FBXW7: variants seen among roughly 807,000 people sequenced by gnomAD.
The protein encoded by FBXW7 is F-box/WD repeat-containing protein 7.
FBXW7 carries 11 observed loss-of-function variants against 86.3 expected under a neutral mutation model. That is an observed-to-expected ratio of 0.13 (90% confidence interval 0.08 to 0.21). FBXW7 has a LOEUF of 0.21. Ranked by LOEUF, FBXW7 falls within the 10% of genes least tolerant of loss-of-function variation. FBXW7 has a pLI of 1.00. For synonymous variants in FBXW7, 313 were observed against 297.9 expected (o/e 1.05, Z -0.52); for missense variants, 488 against 847.4 (o/e 0.58, Z 5.27).
chr4:152,507,040 T>C (rs1445050476), intron 2 of FBXW7, among the ~76,000 whole-genome samples: 2 of 152,226 alleles, frequency 1.3e-5, no homozygotes, highest in African/African-American at 2.4e-5. Context: ...CACACCACAA[T>C]GTTTCCCTTT....
At chr4:152,366,813 A>G (rs1242562535) in intron 4 of FBXW7, among the ~76,000 whole-genome samples, 1 of 152,226 alleles carries the variant, frequency 6.6e-6, no homozygotes, top group Non-Finnish European at 1.5e-5. Context: ...GCTACAATAA[A>G]GACACATGCA....
At chr4:152,398,299 A>C (rs899034802) in intron 4 of FBXW7, among the ~76,000 whole-genome samples, 1 of 151,938 alleles carries the variant, frequency 6.6e-6, no homozygotes, top group Non-Finnish European at 1.5e-5. Context: ...TAAATTCTTA[A>C]GGAATTGTGT....
chr4:152,419,019 C>T (rs1738703931), intron 2 of FBXW7, among the ~76,000 whole-genome samples: 1 of 152,118 alleles, frequency 6.6e-6, no homozygotes, highest in African/African-American at 2.4e-5. Context: ...ATCTAACTAG[C>T]AGGCATACAA....
At chr4:152,477,131 A>T (rs564128317) in intron 2 of FBXW7, among the ~76,000 whole-genome samples, 1 of 151,916 alleles carries the variant, frequency 6.6e-6, no homozygotes, top group Non-Finnish European at 1.5e-5. Context: ...TTCAACTCCA[A>T]CTCAGGAGTC....
rs1326577738 is a variant in FBXW7 at position 152,347,058 on chromosome 4, C to T, written c.598G>A (p.Val200Ile). The T allele has an allele frequency of 6.4e-7, 1 of 1,572,314 alleles. No individual in the cohort carries two copies. The highest frequency in any genetic ancestry group is 8.6e-7 in the Non-Finnish European group (1 of 1,161,808). ...VSEYTSTTGL[V>I]PCSATPTTFG... ...GTTGTTGGTGTTGCTGAACATGGTA[C>T]AAGCCCAGTGGTACTACAAAAAAAA... Residue 200 changes from valine to isoleucine, a missense_variant, in exon 6 of 14, where the codon GTA (valine) becomes ATA (isoleucine). Around this residue, in one of 4 missense-constraint regions of FBXW7, gnomAD observed 230 missense variants for 240.0 expected, o/e 0.96. Coordinates refer to ENST00000281708, the MANE Select transcript of FBXW7 (RefSeq NM_001349798.2).
At position 152,467,487 on chromosome 4, in the gene FBXW7, C is replaced by A. The variant is rs1743563307; in HGVS notation, c.-119-54958G>T. 2.6e-5 allele frequency among the ~76,000 whole-genome samples: 4 copies of A among 152,114 alleles called. 1 individual carries two copies. The South Asian group carries it at 8.3e-4, about 32-fold the overall frequency. The stretch of plus-strand genomic sequence containing the variant: ...ACTAATAACATCTATTAAGGATGGC[C>A]CCTCCCTTCTTCAATCCAAAAAAAA... On this transcript the variant is annotated intron_variant, in intron 2 of 13. Coordinates refer to ENST00000281708, the MANE Select transcript of FBXW7 (RefSeq NM_001349798.2).
Position 152,354,132 on chromosome 4 carries a change from CTTTAA to C in FBXW7, c.502-4013_502-4009del, listed in dbSNP as rs1227162890. ...CATTATGTCAATGCAACATCTTTTA[CTTTAA>C]AACATAAATGAAATTAAGATAACGT... On this transcript the variant is annotated intron_variant, in intron 4 of 13. Transcript: ENST00000281708. Among the ~76,000 whole-genome samples, 22 of 152,090 alleles carry C rather than the reference CTTTAA, an allele frequency of 1.4e-4. No homozygotes were observed. The South Asian group carries it at 4.4e-3, about 30-fold the overall frequency.
chr4:152,323,011 C>A lies in FBXW7; in HGVS notation c.1994G>T (p.Ser665Ile), dbSNP rs957874517. The change falls in exon 14 of 14, where the codon AGT (serine) becomes ATT (isoleucine). Residue 665 changes from serine (S) to isoleucine (I), a missense_variant. Coordinates refer to ENST00000281708, the MANE Select transcript of FBXW7 (RefSeq NM_001349798.2). ...EFIRNLVTLE[S>I]GGSGGVVWRI... ...CCACACAACTCCCCCACTCCCCCCA[C>A]TCTCCAATGTGACTAGGTTTCGAAT... is the stretch of plus-strand genomic sequence containing the variant. 6.2e-7 allele frequency: 1 copy of A among 1,613,862 alleles called. No homozygotes were observed. Among genetic ancestry groups the A allele is most frequent in the Non-Finnish European group, 8.5e-7 (1 of 1,179,864 alleles).
chr4:152,477,518 G>A (rs1744522272), intron 2 of FBXW7, among the ~76,000 whole-genome samples: 2 of 151,980 alleles, frequency 1.3e-5, no homozygotes, highest in African/African-American at 4.8e-5. Context: ...TAAAAGAGGA[G>A]ACATTAAATT....
At chr4:152,387,192 C>T (rs931179049) in intron 4 of FBXW7, among the ~76,000 whole-genome samples, 14 of 152,118 alleles carry the variant, frequency 9.2e-5, no homozygotes, top group Non-Finnish European at 1.9e-4. Flanking sequence ...GGAATAATAT[C>T]AACGTATGTT....
chr4:152,506,140 CTTTTT>C (rs992778934), intron 2 of FBXW7, among the ~76,000 whole-genome samples: 1 of 151,114 alleles, frequency 6.6e-6, no homozygotes, highest in African/African-American at 2.4e-5. Context: ...ATGTGCTATA[CTTTTT>C]TTTTGAGACG....
At chr4:152,342,954 C>T (rs903118392) in intron 6 of FBXW7, among the ~76,000 whole-genome samples, 2 of 152,118 alleles carry the variant, frequency 1.3e-5, no homozygotes, top group Non-Finnish European at 2.9e-5. Context: ...AATACAATTT[C>T]AAAGTAATAA....
At chr4:152,330,695 T>C in intron 9 of FBXW7, 37 bp downstream of exon 9, 1 of 1,598,204 alleles carries the variant, frequency 6.3e-7, no homozygotes, top group Non-Finnish European at 8.5e-7. Flanking sequence ...CTAACACTGA[T>C]TAACGGTTTC....
intron 2 of FBXW7, among the ~76,000 whole-genome samples, chr4:152,426,624 G>A (rs1373601758): frequency 1.3e-5 from 2 of 152,124 alleles, no homozygotes; most frequent in Admixed American, 1.3e-4. Context: ...AAGCAACAGA[G>A]ATCAGACCTG....
rs550575230 is a variant in FBXW7 at position 152,402,011 on chromosome 4, T to A, written c.501+9292A>T. Among the ~76,000 whole-genome samples the A allele has an allele frequency of 2.0e-5, 3 of 152,284 alleles. No individual in the cohort carries two copies. The South Asian group carries it at 6.2e-4, about 32-fold the overall frequency. ...AAGAAAAAAGATACATATGAAATAC[T>A]AGGTGAAGGAATGTAGAAATAATTC... is the stretch of plus-strand genomic sequence containing the variant. On this transcript the variant is annotated intron_variant, in intron 4 of 13. Coordinates refer to ENST00000281708, the MANE Select transcript of FBXW7 (RefSeq NM_001349798.2).
chr4:152,437,926 G>A (rs1740531045), intron 2 of FBXW7, among the ~76,000 whole-genome samples: 1 of 152,180 alleles, frequency 6.6e-6, no homozygotes, highest in Admixed American at 6.5e-5. Flanking sequence ...TGTAATCTCA[G>A]CACTTTGGGA....
chr4:152,455,156 T>C (rs371238667), intron 2 of FBXW7, among the ~76,000 whole-genome samples: 19 of 152,300 alleles, frequency 1.2e-4, no homozygotes, highest in African/African-American at 4.3e-4. Flanking sequence ...ATAAATTTAA[T>C]TTATAAAAAC....
intron 2 of FBXW7, among the ~76,000 whole-genome samples, chr4:152,439,329 T>G (rs1304071284): frequency 1.3e-5 from 2 of 152,160 alleles, no homozygotes; most frequent in African/African-American, 4.8e-5. Flanking sequence ...GAAATGAATG[T>G]TCTCGAGGAC....
At chr4:152,511,338 T>C (rs2149714697) in intron 2 of FBXW7, among the ~76,000 whole-genome samples, 1 of 136,040 alleles carries the variant, frequency 7.4e-6, no homozygotes, top group African/African-American at 2.8e-5. Context: ...GTGGAGTGCA[T>C]GACCATGGAC....
Sources: allele counts gnomAD v4.1 joint callset (sites outside exome capture counted in the v4.1 genomes callset), GRCh38; gene constraint gnomAD v4.1.1; regional missense constraint gnomAD v4.1.1; transcripts MANE v1.5; gene names NCBI Gene and HGNC (gene_info 2026-07-23, HGNC 2026-07-21).